ATP2C2: variants seen among roughly 807,000 people sequenced by gnomAD.
The protein encoded by ATP2C2 is calcium-transporting ATPase type 2C member 2.
Under a neutral mutation model 110.8 loss-of-function variants are expected in ATP2C2, and 171 were observed. That is an observed-to-expected ratio of 1.54 (90% CI 1.36 to 1.75). ATP2C2 has a LOEUF of 1.75. ATP2C2 is among the 40% of genes most tolerant of loss of function. The pLI is 0.00. For synonymous variants in ATP2C2, 804 were observed against 508.4 expected (o/e 1.58, Z -7.82); for missense variants, 1,963 against 1,235.0 (o/e 1.59, Z -8.84).
At chr16:84,461,394 G>C (rs1477564991) in intron 24 of ATP2C2, 1 of 479,936 alleles carries the variant, frequency 2.1e-6, no homozygotes, top group Non-Finnish European at 3.8e-6. Flanking sequence ...TTCCTTGTAG[G>C]AAATGACCTT....
chr16:84,449,266 CG>C (rs1418330965), intron 17 of ATP2C2, among the ~76,000 whole-genome samples: 3 of 152,234 alleles, frequency 2.0e-5, no homozygotes, highest in Admixed American at 6.5e-5. Context: ...TTTTCCCCTT[CG>C]GGGAACAGAG....
intron 10 of ATP2C2, among the ~76,000 whole-genome samples, chr16:84,424,514 G>C (rs1567714486): frequency 6.6e-6 from 1 of 150,874 alleles, no homozygotes; most frequent in Non-Finnish European, 1.5e-5. Context: ...CTGGTCTCAA[G>C]TGATCTGCCC....
intron 18 of ATP2C2, 39 bp downstream of exon 18, chr16:84,452,130 C>G: frequency 6.2e-7 from 1 of 1,608,398 alleles, no homozygotes; most frequent in Non-Finnish European, 8.5e-7. Context: ...CGAAAGGACC[C>G]ATCCATCCTT....
chr16:84,383,804 T>G, intron 1 of ATP2C2, among the ~76,000 whole-genome samples: 1 of 143,310 alleles, frequency 7.0e-6, no homozygotes, highest in African/African-American at 2.5e-5. Flanking sequence ...TTTTTTTTTT[T>G]TTTTGAGACA....
chr16:84,376,451 C>T (rs976244256), intron 1 of ATP2C2, among the ~76,000 whole-genome samples: 9 of 152,120 alleles, frequency 5.9e-5, no homozygotes, highest in Non-Finnish European at 7.4e-5. Flanking sequence ...CAAGTGTGTT[C>T]AACCTGCAGC....
intron 14 of ATP2C2, 107 bp from the exon 15 acceptor site, chr16:84,442,403 A>C: frequency 9.9e-7 from 1 of 1,006,250 alleles, no homozygotes; most frequent in Non-Finnish European, 1.6e-6. Flanking sequence ...TTTAAAGAGC[A>C]AGTCTTGTCC....
chr16:84,439,661 C>G, intron 13 of ATP2C2, 137 bp downstream of exon 13: 1 of 816,336 alleles, frequency 1.2e-6, no homozygotes, highest in Non-Finnish European at 2.0e-6. Flanking sequence ...TCCTTGCTAA[C>G]ATGACTGATT....
Position 84,442,477 on chromosome 16 carries a change from C to G in ATP2C2, c.1312-33C>G, listed in dbSNP as rs766917986. ...GTCTAACTTTTTCATGAGCCCAGTA[C>G]TAACTACAGATGTCCGGACAATCCC... On this transcript the variant is annotated intron_variant, in intron 14 of 26. Transcript: ENST00000262429. The G allele has an allele frequency of 1.4e-5, 23 of 1,608,398 alleles. No individual in the cohort carries two copies. The South Asian group carries it at 1.8e-4, about 12-fold the overall frequency.
At chr16:84,411,677 G>A (rs986159573) in intron 6 of ATP2C2, among the ~76,000 whole-genome samples, 1 of 152,214 alleles carries the variant, frequency 6.6e-6, no homozygotes, top group African/African-American at 2.4e-5. Flanking sequence ...CCTGACCTCA[G>A]ATGATCTGCC....
At chr16:84,438,119 T>A (rs1289031773) in intron 11 of ATP2C2, among the ~76,000 whole-genome samples, 4 of 147,272 alleles carry the variant, frequency 2.7e-5, no homozygotes, top group African/African-American at 1.1e-4. Flanking sequence ...GGCTCATCCA[T>A]TTGTTCACTG....
chr16:84,417,077 T>G (rs1012505438), intron 7 of ATP2C2, among the ~76,000 whole-genome samples: 1 of 152,172 alleles, frequency 6.6e-6, no homozygotes, highest in Non-Finnish European at 1.5e-5. Context: ...GGACCATCAT[T>G]CAAAGCCTTG....
chr16:84,400,290 G>A (rs780989961), intron 2 of ATP2C2, among the ~76,000 whole-genome samples: 3 of 151,752 alleles, frequency 2.0e-5, no homozygotes, highest in Non-Finnish European at 4.4e-5. Context: ...TCTAGGAGTG[G>A]GACTGGGGAT....
intron 11 of ATP2C2, among the ~76,000 whole-genome samples, chr16:84,429,503 A>T (rs1470594150): frequency 1.3e-5 from 2 of 152,148 alleles, no homozygotes; most frequent in African/African-American, 4.8e-5. Flanking sequence ...TGTGTATAGC[A>T]CGTGACTGCG....
At chr16:84,388,521 G>T (rs1423468164) in intron 1 of ATP2C2, among the ~76,000 whole-genome samples, 1 of 152,080 alleles carries the variant, frequency 6.6e-6, no homozygotes, top group East Asian at 1.9e-4. Flanking sequence ...GAGAATCCTG[G>T]AATAAGATAA....
intron 1 of ATP2C2, among the ~76,000 whole-genome samples, chr16:84,393,882 A>C (rs1439191369): frequency 6.6e-6 from 1 of 151,884 alleles, no homozygotes; most frequent in African/African-American, 2.4e-5. Flanking sequence ...AAGGCTAGGC[A>C]TGGTGGCTCA....
At chr16:84,448,217 G>A (rs577438776) in intron 16 of ATP2C2, among the ~76,000 whole-genome samples, 42 of 152,268 alleles carry the variant, frequency 2.8e-4, no homozygotes, top group East Asian at 1.5e-3. Context: ...CACAGTCCCA[G>A]CTGGGATGAT....
chr16:84,377,250 C>T (rs1354307755), intron 1 of ATP2C2, among the ~76,000 whole-genome samples: 1 of 152,106 alleles, frequency 6.6e-6, no homozygotes, highest in African/African-American at 2.4e-5. Context: ...TAAGTCTTAG[C>T]AAGTAGTGGA....
At chr16:84,381,210 G>T (rs554397258) in intron 1 of ATP2C2, among the ~76,000 whole-genome samples, 33 of 152,334 alleles carry the variant, frequency 2.2e-4, no homozygotes, top group African/African-American at 7.9e-4. Flanking sequence ...CTTCTTAAGG[G>T]TGGGGGAGAT....
At chr16:84,450,450 A>G (rs914184135) in intron 17 of ATP2C2, among the ~76,000 whole-genome samples, 2 of 151,984 alleles carry the variant, frequency 1.3e-5, no homozygotes, top group Non-Finnish European at 2.9e-5. Context: ...CCCCACGGAG[A>G]GGGAAGGAGA....
Sources: gnomAD v4.1 joint callset for allele counts (sites outside exome capture counted in the v4.1 genomes callset) on GRCh38, gnomAD v4.1.1 for gene constraint, MANE v1.5 for transcripts, NCBI Gene and HGNC (gene_info 2026-07-23, HGNC 2026-07-21) for gene names.